The following AGO4 variants were observed in gnomAD, a reference collection of about 807,000 sequenced individuals.
AGO4 encodes protein argonaute-4.
A neutral mutation model predicts 104.7 loss-of-function variants in AGO4; 33 were observed. The observed-to-expected ratio is 0.32, with a 90% CI of 0.24 to 0.42. AGO4 has a LOEUF of 0.42. Ranked by LOEUF, AGO4 falls within the 10% of genes least tolerant of loss-of-function variation. The pLI is 1.00. For synonymous variants in AGO4, 331 were observed against 364.7 expected, an observed-to-expected ratio of 0.91 and a Z score of 1.05; for missense variants, 711 against 1,083.4, an observed-to-expected ratio of 0.66 and a Z score of 4.83.
intron 2 of AGO4, among the ~76,000 whole-genome samples, chr1:35,820,546 GAGGTTTCACC>G (rs1416183580): frequency 1.3e-5 from 2 of 151,834 alleles, no homozygotes; most frequent in Non-Finnish European, 2.9e-5. Flanking sequence ...TAGTAGAGAC[GAGGTTTCACC>G]ATGTTGGTCA....
At chr1:35,851,142 T>A in intron 17 of AGO4, 89 bp downstream of exon 17, 1 of 1,298,696 alleles carries the variant, frequency 7.7e-7, no homozygotes, top group Non-Finnish European at 1.1e-6. Flanking sequence ...TTTAAGGATT[T>A]AAACTTTCAG....
chr1:35,830,434 T>C (rs150441202), intron 7 of AGO4, among the ~76,000 whole-genome samples: 4 of 152,312 alleles, frequency 2.6e-5, no homozygotes, highest in African/African-American at 4.8e-5. Context: ...TCCAAATCTT[T>C]ATGTTAATTT....
chr1:35,819,799 TAAA>T (rs77771083), intron 2 of AGO4, among the ~76,000 whole-genome samples: 8 of 131,016 alleles, frequency 6.1e-5, no homozygotes, highest in Non-Finnish European at 3.3e-5. Context: ...CTCTGAGTCT[TAAA>T]AAAAAAAAAA....
At chr1:35,843,038 T>C (rs996030158) in intron 15 of AGO4, among the ~76,000 whole-genome samples, 5 of 152,258 alleles carry the variant, frequency 3.3e-5, no homozygotes, top group Non-Finnish European at 5.9e-5. Flanking sequence ...CTAGTTTTTT[T>C]GTCTCTAATC....
chr1:35,831,689 G>C, intron 8 of AGO4, 115 bp downstream of exon 8: 1 of 1,539,184 alleles, frequency 6.5e-7, no homozygotes, highest in Non-Finnish European at 8.7e-7. Context: ...ATTTTTGGCA[G>C]ATGATTTCAC....
chr1:35,838,031 T>A (rs1644355534), intron 13 of AGO4, among the ~76,000 whole-genome samples: 1 of 151,680 alleles, frequency 6.6e-6, no homozygotes, highest in South Asian at 2.1e-4. Context: ...TACAGGAATG[T>A]GCCACCATGC....
At chr1:35,819,514 G>C (rs1643838308) in intron 2 of AGO4, among the ~76,000 whole-genome samples, 1 of 151,874 alleles carries the variant, frequency 6.6e-6, no homozygotes, top group Admixed American at 6.6e-5. Context: ...TGGATCACGA[G>C]GTCAGAAGAT....
In AGO4 at chr1:35,841,901, T is replaced by G; in HGVS notation, c.2175+151T>G. The G allele has an allele frequency of 7.6e-6, 3 of 396,764 alleles. No individual in the cohort carries two copies. The highest frequency in any genetic ancestry group is 1.2e-5 in the Non-Finnish European group (3 of 253,530). The allele number at this position is 396,764 out of a possible 1,614,324, so 24.6% of individuals were successfully genotyped here. ...TGCCTGATAATAATTTAACTGCAGT[T>G]GGGTTTAGATGACCAATTCTGAATG... On this transcript the variant is annotated intron_variant, in intron 15 of 17. Coordinates refer to ENST00000373210, the MANE Select transcript of AGO4 (RefSeq NM_017629.4). This position sits in a 1 kb window ranked among gnomAD's most constrained non-coding sequence, Gnocchi z 4.7.
In AGO4 at chr1:35,856,060, G is replaced by A. The variant is rs1644811008; in HGVS notation, c.*2455G>A. The A allele has an allele frequency of 1.3e-5, 2 of 152,252 alleles. No individual in the cohort carries two copies. The highest frequency in any genetic ancestry group is 1.3e-4 in the Admixed American group (2 of 15,274). The allele number at this position is 152,252 out of a possible 1,614,324, so 9.4% of individuals were successfully genotyped here. Reference sequence around the variant, plus strand: ...TCTACGCTCGACCTCGAACAATACAGCTTGTAAGACCTCAGTCAGTCCTGG... The same window carrying A: ...TCTACGCTCGACCTCGAACAATACAACTTGTAAGACCTCAGTCAGTCCTGG... On this transcript the variant is annotated 3_prime_UTR_variant, in exon 18 of 18. Transcript: ENST00000373210.
chr1:35,843,131 C>A (rs1024631251), intron 15 of AGO4, among the ~76,000 whole-genome samples: 1 of 152,156 alleles, frequency 6.6e-6, no homozygotes. Flanking sequence ...ACGGCACAAT[C>A]TTGGCTCACT....
Position 35,808,196 on chromosome 1 carries a change from G to GCGT in AGO4, c.-221_-220insCGT, listed in dbSNP as rs1643359555. The GCGT allele has an allele frequency of 6.1e-6, 1 of 162,872 alleles. No individual in the cohort carries two copies. The highest frequency in any genetic ancestry group is 6.6e-5 in the Admixed American group (1 of 15,118). 10.1% of individuals were successfully genotyped at this position (162,872 alleles called of 1,614,324 possible). A position where few individuals can be genotyped will look rare whatever the true frequency, so the allele number is the denominator to read the frequency against. ...GGCGGCGGCGGCGGCGGCGGCGGCG[G>GCGT]GGATTGTTTTTGTTGTCGCTGAGGC... On this transcript the variant is annotated 5_prime_UTR_variant, in exon 1 of 18. Transcript: ENST00000373210. The surrounding 1 kb of genome is among the most constrained non-coding windows in gnomAD (Gnocchi z 5.2).
rs1028577999 is a variant in AGO4 at position 35,857,111 on chromosome 1, C to G, written c.*3506C>G. The stretch of plus-strand genomic sequence containing the variant: ...AGAGCTTGCCTACCTGGCAAAGCTG[C>G]CTACCCTTCAAGTGGGAAAATATAA... On this transcript the variant is annotated 3_prime_UTR_variant, in exon 18 of 18. Coordinates refer to ENST00000373210, the MANE Select transcript of AGO4 (RefSeq NM_017629.4). 1 of 152,214 alleles carries G rather than the reference C, an allele frequency of 6.6e-6. No homozygotes were observed. Among genetic ancestry groups the G allele is most frequent in the Non-Finnish European group, 1.5e-5 (1 of 68,038 alleles). 9.4% of individuals were successfully genotyped at this position (152,214 alleles called of 1,614,324 possible). A position where few individuals can be genotyped will look rare whatever the true frequency, so the allele number is the denominator to read the frequency against.
chr1:35,837,985 C>T (rs1188666813), intron 13 of AGO4, among the ~76,000 whole-genome samples: 1 of 151,864 alleles, frequency 6.6e-6, no homozygotes, highest in South Asian at 2.1e-4. Context: ...CCAGCTCAAG[C>T]GATTCTCCCG....
Position 35,834,163 on chromosome 1 carries a change from C to T in AGO4, c.1553C>T (p.Thr518Ile). Residue 518 changes from threonine to isoleucine, a missense_variant, in exon 12 of 18, where the codon ACA becomes ATA. Transcript: ENST00000373210. ...ATAGTGGTTATCCTGCCTGGAAAGA[C>T]ACCAGTATATGGTATGGACCCTTTT... ...QLIVVILPGK[T>I]PVYAEVKRVG... 1 of 1,598,606 alleles carries T rather than the reference C, an allele frequency of 6.3e-7. No homozygotes were observed. Among genetic ancestry groups the T allele is most frequent in the Non-Finnish European group, 8.5e-7 (1 of 1,173,836 alleles).
In AGO4 at chr1:35,825,660, C is replaced by A; in HGVS notation, c.489-19C>A. 2 of 1,531,876 alleles carry A rather than the reference C, an allele frequency of 1.3e-6. No individual in the cohort carries two copies. Among genetic ancestry groups the A allele is most frequent in the South Asian group, 1.3e-5 (1 of 76,640 alleles). The allele number at this position is 1,531,876 out of a possible 1,614,324, so 94.9% of individuals were successfully genotyped here. On this transcript the variant is annotated intron_variant, in intron 4 of 17. Coordinates refer to ENST00000373210, the MANE Select transcript of AGO4 (RefSeq NM_017629.4). The stretch of plus-strand genomic sequence containing the variant: ...TTTCACATGTTTAATGTGACACATG[C>A]AAACTCTTATTTCTTCAGGTACACC...
At position 35,857,839 on chromosome 1, in the gene AGO4, A is replaced by G. The variant is rs183131271; in HGVS notation, c.*4234A>G. The G allele has an allele frequency of 2.5e-4, 38 of 152,344 alleles. No homozygotes were observed. The highest frequency in any genetic ancestry group is 1.4e-3 in the Admixed American group (22 of 15,304). 9.4% of individuals were successfully genotyped at this position (152,344 alleles called of 1,614,324 possible). A position where few individuals can be genotyped will look rare whatever the true frequency, so the allele number is the denominator to read the frequency against. ...CTATTTTTAAAAATTGCTATTTGGTATACAATTATTATGTGTCAATTAAAA... is the reference window on the plus strand; with the variant it reads ...CTATTTTTAAAAATTGCTATTTGGTGTACAATTATTATGTGTCAATTAAAA... On this transcript the variant is annotated 3_prime_UTR_variant, in exon 18 of 18. Transcript: ENST00000373210.
intron 15 of AGO4, among the ~76,000 whole-genome samples, chr1:35,844,585 A>G (rs1644523746): frequency 6.6e-6 from 1 of 152,094 alleles, no homozygotes; most frequent in East Asian, 1.9e-4. Flanking sequence ...CCTCTCCTCT[A>G]CTTTCAAACT....
rs146550322 is a variant in AGO4 at position 35,841,693 on chromosome 1, T to C, written c.2118T>C (p.Tyr706=). 284 of 1,614,018 alleles carry C rather than the reference T, an allele frequency of 1.8e-4. 3 individuals carry two copies. The East Asian group carries it at 6.2e-3, about 35-fold the overall frequency. The change falls in exon 15 of 18, where the codon TAT becomes TAC. Residue 706 remains tyrosine, a synonymous_variant. Transcript: ENST00000373210. This position sits in a 1 kb window ranked among gnomAD's most constrained non-coding sequence, Gnocchi z 4.7. ...LEEDYRPGIT[Y]IVVQKRHHTR... is the part of the protein sequence containing the mutation. ...AAGATTACCGGCCAGGAATAACTTATATTGTGGTGCAAAAAAGACATCACA... is the reference window on the plus strand; with the variant it reads ...AAGATTACCGGCCAGGAATAACTTACATTGTGGTGCAAAAAAGACATCACA...
chr1:35,851,467 CCA>C (rs1335909493), intron 17 of AGO4, among the ~76,000 whole-genome samples: 1 of 152,158 alleles, frequency 6.6e-6, no homozygotes, highest in Non-Finnish European at 1.5e-5. Context: ...GAAAAATACC[CCA>C]GAGTGAACCT....
Sources: gnomAD v4.1 joint callset for allele counts (sites outside exome capture counted in the v4.1 genomes callset) on GRCh38, gnomAD v4.1.1 for gene constraint, Gnocchi (gnomAD v3.1) non-coding constraint, MANE v1.5 for transcripts, NCBI Gene and HGNC (gene_info 2026-07-23, HGNC 2026-07-21) for gene names.